Variants in CTNNA3 observed in about 807,000 individuals in gnomAD.
The protein encoded by CTNNA3 is catenin alpha 3.
CTNNA3 carries 76 observed loss-of-function variants against 95.7 expected under a neutral mutation model. The observed-to-expected ratio is 0.79, with a 90% CI of 0.66 to 0.96. The LOEUF is 0.96. CTNNA3 is among the 40% of genes least tolerant of loss of function. The pLI is 0.00. For synonymous variants in CTNNA3, 431 were observed against 374.4 expected, an observed-to-expected ratio of 1.15 and a Z score of -1.74; for missense variants, 1,191 against 1,089.8, an observed-to-expected ratio of 1.09 and a Z score of -1.31.
chr10:67,254,543 A>T (rs16924287), intron 5 of CTNNA3, among the ~76,000 whole-genome samples: 1 of 152,176 alleles, frequency 6.6e-6, no homozygotes, highest in Non-Finnish European at 1.5e-5. Flanking sequence ...TCTGAGCCCA[A>T]TGTAATGCTA....
rs1841631404 is a variant in CTNNA3 at position 67,563,692 on chromosome 10, A to G, written c.293-24023T>C. Among the ~76,000 whole-genome samples, 4 of 152,204 alleles carry G rather than the reference A, an allele frequency of 2.6e-5. No individual in the cohort carries two copies. In the South Asian group the frequency reaches 8.3e-4, roughly 31 times the overall value. On this transcript the variant is annotated intron_variant, in intron 3 of 17. Transcript: ENST00000433211. Reference sequence around the variant, plus strand: ...CTGCACAGCAAAAGAAACTACCATCAGAGTGAACAGGCAACCTACAGAATG... The same window carrying G: ...CTGCACAGCAAAAGAAACTACCATCGGAGTGAACAGGCAACCTACAGAATG...
chr10:66,899,542 C>T (rs1028114250), intron 7 of CTNNA3, among the ~76,000 whole-genome samples: 7 of 152,106 alleles, frequency 4.6e-5, no homozygotes, highest in African/African-American at 7.2e-5. Flanking sequence ...CAAAGTAGGG[C>T]GGGGCATTGC....
At chr10:67,399,236 C>T (rs982772291) in intron 5 of CTNNA3, among the ~76,000 whole-genome samples, 4 of 152,108 alleles carry the variant, frequency 2.6e-5, no homozygotes, top group African/African-American at 9.7e-5. Context: ...TGCACCTGCA[C>T]AGTTCAAATC....
At chr10:67,415,679 G>C (rs954297341) in intron 5 of CTNNA3, among the ~76,000 whole-genome samples, 10 of 152,054 alleles carry the variant, frequency 6.6e-5, no homozygotes, top group Admixed American at 1.3e-4. Context: ...AAAAGAGTGT[G>C]AATAGCCAAA....
At chr10:67,007,494 C>T (rs1300262744) in intron 7 of CTNNA3, among the ~76,000 whole-genome samples, 1 of 151,428 alleles carries the variant, frequency 6.6e-6, no homozygotes, top group Non-Finnish European at 1.5e-5. Flanking sequence ...ACAAGCAGGA[C>T]TTTCACACTG....
At chr10:67,194,841 C>A (rs1425209694) in intron 6 of CTNNA3, among the ~76,000 whole-genome samples, 2 of 151,710 alleles carry the variant, frequency 1.3e-5, no homozygotes, top group African/African-American at 4.8e-5. Context: ...CTGTAAGTTT[C>A]TCTCAATTTT....
chr10:66,767,604 T>C (rs1010185637), intron 8 of CTNNA3, among the ~76,000 whole-genome samples: 1 of 151,856 alleles, frequency 6.6e-6, no homozygotes, highest in Non-Finnish European at 1.5e-5. Context: ...GACAGAAAAA[T>C]GTAATTTTTC....
At chr10:66,416,902 A>G (rs562328601) in intron 11 of CTNNA3, among the ~76,000 whole-genome samples, 1 of 152,178 alleles carries the variant, frequency 6.6e-6, no homozygotes, top group South Asian at 2.1e-4. Context: ...AATGTGGAAA[A>G]AGATAGGGCT....
intron 9 of CTNNA3, among the ~76,000 whole-genome samples, chr10:66,645,914 A>G (rs541104715): frequency 8.5e-5 from 13 of 152,284 alleles, no homozygotes; most frequent in Middle Eastern, 3.4e-3. Flanking sequence ...CCATTGATCT[A>G]TGTGTCTATG....
intron 10 of CTNNA3, among the ~76,000 whole-genome samples, chr10:66,593,539 C>T (rs1041991272): frequency 2.6e-5 from 4 of 152,076 alleles, no homozygotes; most frequent in African/African-American, 9.7e-5. Context: ...GATTTTGATA[C>T]TCCTGGTCTG....
intron 13 of CTNNA3, among the ~76,000 whole-genome samples, chr10:66,161,866 C>T (rs2133936331): frequency 6.6e-6 from 1 of 152,162 alleles, no homozygotes; most frequent in Non-Finnish European, 1.5e-5. Context: ...TAACATAATC[C>T]CAGACTTCTT....
chr10:67,513,553 C>A (rs1271440819), intron 5 of CTNNA3, among the ~76,000 whole-genome samples: 1 of 152,174 alleles, frequency 6.6e-6, no homozygotes, highest in Non-Finnish European at 1.5e-5. Context: ...TGTCACTACT[C>A]GACCACCTAG....
intron 15 of CTNNA3, among the ~76,000 whole-genome samples, chr10:66,046,680 T>C (rs987983622): frequency 1.3e-5 from 2 of 151,690 alleles, no homozygotes; most frequent in Admixed American, 6.6e-5. Flanking sequence ...AATACAGGAA[T>C]TGGTTTTTTG....
chr10:67,668,931 C>T (rs1564820651), intron 1 of CTNNA3, among the ~76,000 whole-genome samples: 1 of 149,942 alleles, frequency 6.7e-6, no homozygotes, highest in African/African-American at 2.5e-5. Context: ...CTCCGCCTCC[C>T]CGGTTCAAGT....
intron 6 of CTNNA3, among the ~76,000 whole-genome samples, chr10:67,199,823 T>C (rs1224296343): frequency 6.6e-6 from 1 of 152,176 alleles, no homozygotes; most frequent in Non-Finnish European, 1.5e-5. Context: ...GATATTGACG[T>C]TATGCAGTGG....
intron 7 of CTNNA3, among the ~76,000 whole-genome samples, chr10:67,130,822 T>TACAAATGGAAGC (rs1450811625): frequency 6.6e-6 from 1 of 152,002 alleles, no homozygotes; most frequent in African/African-American, 2.4e-5. Context: ...AACACAGCAC[T>TACAAATGGAAGC]ACATACAAAT....
chr10:66,607,472 C>CAAAAAAAAAACAAAAAAAAAA (rs1844167192), intron 10 of CTNNA3, among the ~76,000 whole-genome samples: 1 of 45,274 alleles, frequency 2.2e-5, no homozygotes, highest in Non-Finnish European at 3.8e-5. Context: ...CAGAGACAAC[C>CAAAAAAAAAACAAAAAAAAAA]AAAAAAAAAA....
intron 7 of CTNNA3, among the ~76,000 whole-genome samples, chr10:66,974,893 A>G (rs992084941): frequency 1.3e-5 from 2 of 152,104 alleles, no homozygotes; most frequent in African/African-American, 2.4e-5. Context: ...AGCATTCTTA[A>G]TAATACATTT....
chr10:67,317,589 C>A (rs1564562159), intron 5 of CTNNA3, among the ~76,000 whole-genome samples: 2 of 152,098 alleles, frequency 1.3e-5, no homozygotes. Flanking sequence ...CCATGCCCGG[C>A]TAATTTTTTG....
Sources: gnomAD v4.1 joint callset for allele counts (sites outside exome capture counted in the v4.1 genomes callset) on GRCh38, gnomAD v4.1.1 for gene constraint, MANE v1.5 for transcripts, NCBI Gene and HGNC (gene_info 2026-07-23, HGNC 2026-07-21) for gene names.